Variants in CFAP36 observed in about 807,000 individuals in gnomAD.
CFAP36 encodes the protein cilia and flagella associated protein 36, also known as cilia- and flagella-associated protein 36.
Under a neutral mutation model 50.5 loss-of-function variants are expected in CFAP36, and 37 were observed. The ratio of observed to expected loss-of-function variants is 0.73; its 90% CI spans 0.56 to 0.96. The LOEUF (loss-of-function observed/expected upper bound fraction) is 0.96, where lower values mean the gene tolerates loss of function less well. Ranked by LOEUF, CFAP36 falls within the 50% of genes least tolerant of loss-of-function variation. The pLI, the probability that CFAP36 is intolerant of heterozygous loss-of-function variation, is 0.00. For missense variants in CFAP36, 407 were observed against 396.2 expected, an observed-to-expected ratio of 1.03 and a Z score of -0.23; for synonymous variants, 138 against 128.2, an observed-to-expected ratio of 1.08 and a Z score of -0.52.
At chr2:55,535,931 G>A in intron 6 of CFAP36, 168 bp downstream of exon 6, 3 of 1,318,318 alleles carry the variant, frequency 2.3e-6, no homozygotes, top group Non-Finnish European at 2.0e-6. Context: ...TGTATGTCGT[G>A]CATTACTGCT....
At chr2:55,527,276 A>G (rs139544942) in intron 3 of CFAP36, among the ~76,000 whole-genome samples, 93 of 152,286 alleles carry the variant, frequency 6.1e-4, no homozygotes, top group African/African-American at 1.8e-3. Context: ...CAGTAAAGAC[A>G]TAGTTGAACT....
intron 2 of CFAP36, 132 bp from the exon 3 acceptor site, chr2:55,523,589 C>T (rs1251002960): frequency 2.0e-6 from 1 of 502,032 alleles, no homozygotes; most frequent in Non-Finnish European, 3.6e-6. Flanking sequence ...AAGACAATGT[C>T]ACTGTCATGT....
chr2:55,544,496 G>C, intron 9 of CFAP36, 127 bp downstream of exon 9: 1 of 815,286 alleles, frequency 1.2e-6, no homozygotes, highest in Non-Finnish European at 1.9e-6. Flanking sequence ...ACCTCCTAGT[G>C]CAGTAGCTGC....
chr2:55,528,799 T>G, intron 3 of CFAP36, 79 bp from the exon 4 acceptor site: 1 of 752,074 alleles, frequency 1.3e-6, no homozygotes, highest in Non-Finnish European at 2.2e-6. Context: ...TCTACTGTTT[T>G]GCAGTAGAAA....
intron 4 of CFAP36, among the ~76,000 whole-genome samples, 176 bp from the exon 5 acceptor site, chr2:55,533,694 CAAA>C (rs67734632): frequency 7.0e-4 from 98 of 140,002 alleles, no homozygotes; most frequent in African/African-American, 1.8e-3. Flanking sequence ...GACTCTGTCT[CAAA>C]AAAAAAAAAA....
At chr2:55,538,256 T>A (rs1214989516) in intron 7 of CFAP36, among the ~76,000 whole-genome samples, 1 of 151,898 alleles carries the variant, frequency 6.6e-6, no homozygotes, top group African/African-American at 2.4e-5. Context: ...AAAAATATAC[T>A]CTGTGAGGTA....
intron 1 of CFAP36, among the ~76,000 whole-genome samples, chr2:55,521,850 G>A (rs1327890264): frequency 2.6e-5 from 4 of 151,930 alleles, no homozygotes; most frequent in East Asian, 1.9e-4. Flanking sequence ...GGCTGGTCTC[G>A]AACTCCTGAT....
intron 6 of CFAP36, among the ~76,000 whole-genome samples, chr2:55,536,826 C>T (rs1477719470): frequency 1.3e-5 from 2 of 151,972 alleles, no homozygotes; most frequent in Non-Finnish European, 2.9e-5. Flanking sequence ...CTCACTGCAA[C>T]CTCTGCCTCC....
At chr2:55,536,056 C>G in intron 6 of CFAP36, 1 of 399,764 alleles carries the variant, frequency 2.5e-6, no homozygotes, top group Non-Finnish European at 4.1e-6. Context: ...TTTTTTTTGG[C>G]AAGTTTAAGC....
At chr2:55,531,031 C>T (rs1684338682) in intron 4 of CFAP36, 2 of 152,176 alleles carry the variant, frequency 1.3e-5, no homozygotes. Context: ...CAGCCACCAT[C>T]ATAATCATCT....
chr2:55,526,752 T>C (rs1684218057), intron 3 of CFAP36, among the ~76,000 whole-genome samples: 1 of 152,082 alleles, frequency 6.6e-6, no homozygotes, highest in Admixed American at 6.5e-5. Context: ...CTGGGTGTGA[T>C]AGCTCATACC....
At chr2:55,534,696 TG>T (rs1318026593) in intron 5 of CFAP36, among the ~76,000 whole-genome samples, 3 of 152,212 alleles carry the variant, frequency 2.0e-5, no homozygotes, top group Non-Finnish European at 4.4e-5. Context: ...CAGTGTCACT[TG>T]CAGACTGTGG....
At chr2:55,542,247 CAT>C (rs1167781814) in intron 7 of CFAP36, among the ~76,000 whole-genome samples, 2 of 152,180 alleles carry the variant, frequency 1.3e-5, no homozygotes, top group East Asian at 3.8e-4. Flanking sequence ...TCTCAAACCA[CAT>C]ATAATTCAGT....
rs1476169680 is a variant in CFAP36, at chr2:55,538,785, A to G, written c.640+1200A>G. 13 of 1,546,018 alleles carry G rather than the reference A, an allele frequency of 8.4e-6. No individual in the cohort carries two copies. In the East Asian group the frequency reaches 3.2e-4, roughly 38 times the overall value. On this transcript the variant is annotated intron_variant, in intron 7 of 9. Coordinates refer to ENST00000349456, the MANE Select transcript of CFAP36 (RefSeq NM_080667.7). ...TAAAGAAATTCAAGGAAGCTGAGCG[A>G]CTTGTCCAAGATCACCGAACTCTTC...
chr2:55,531,168 A>G (rs553512593), intron 4 of CFAP36: 1 of 152,332 alleles, frequency 6.6e-6, no homozygotes, highest in African/African-American at 2.4e-5. Context: ...ATAAGTCTGG[A>G]AAATAGTCTC....
chr2:55,532,066 C>T (rs894517793), intron 4 of CFAP36, among the ~76,000 whole-genome samples: 2 of 152,054 alleles, frequency 1.3e-5, no homozygotes, highest in Admixed American at 6.6e-5. Flanking sequence ...GTGGCTCATG[C>T]CTGTGGTCCC....
chr2:55,525,707 T>C (rs1211354911), intron 3 of CFAP36, among the ~76,000 whole-genome samples: 1 of 152,108 alleles, frequency 6.6e-6, no homozygotes, highest in Non-Finnish European at 1.5e-5. Context: ...CTCGGCTCAC[T>C]GCAACCTCCG....
chr2:55,529,262 A>T (rs930570431), intron 4 of CFAP36, among the ~76,000 whole-genome samples: 3 of 152,050 alleles, frequency 2.0e-5, no homozygotes, highest in Non-Finnish European at 4.4e-5. Flanking sequence ...TCTACTAAAA[A>T]TACAAAAAAA....
intron 5 of CFAP36, among the ~76,000 whole-genome samples, chr2:55,535,134 A>G (rs1409196162): frequency 6.6e-6 from 1 of 152,152 alleles, no homozygotes; most frequent in Non-Finnish European, 1.5e-5. Flanking sequence ...TTATTTTCCA[A>G]GAGCTTTTGA....
Sources: gnomAD v4.1 joint callset for allele counts (sites outside exome capture counted in the v4.1 genomes callset) on GRCh38, gnomAD v4.1.1 for gene constraint, MANE v1.5 for transcripts, NCBI Gene and HGNC (gene_info 2026-07-23, HGNC 2026-07-21) for gene names.